Variants in DCDC2C observed in about 807,000 individuals in gnomAD.
The protein encoded by DCDC2C is doublecortin domain-containing protein 2C.
In DCDC2C, 44 loss-of-function variants were observed where a neutral mutation model predicts 45.0. The observed-to-expected ratio is 0.98, with a 90% CI of 0.77 to 1.26. The LOEUF (loss-of-function observed/expected upper bound fraction) is 1.26. DCDC2C is among the 50% of genes most tolerant of loss of function. The pLI is 0.00. For missense variants in DCDC2C, 447 were observed against 468.9 expected (o/e 0.95, Z 0.43); for synonymous variants, 187 against 178.8 (o/e 1.05, Z -0.37).
intron 7 of DCDC2C, 57 bp downstream of exon 7, chr2:3,767,937 A>G: frequency 3.0e-6 from 4 of 1,343,932 alleles, no homozygotes; most frequent in South Asian, 1.9e-5. Context: ...GGCTGAGAAC[A>G]TGGGATTTTT....
chr2:3,815,000 C>G (rs781732935), intron 10 of DCDC2C, among the ~76,000 whole-genome samples: 1 of 152,260 alleles, frequency 6.6e-6, no homozygotes, highest in African/African-American at 2.4e-5. Context: ...GGCTGCTGCC[C>G]CTACCCGAAG....
intron 4 of DCDC2C, among the ~76,000 whole-genome samples, chr2:3,742,973 G>C (rs1289581303): frequency 1.3e-5 from 2 of 152,210 alleles, no homozygotes; most frequent in African/African-American, 2.4e-5. Flanking sequence ...TGAGGGAGGG[G>C]CTCCGGGCCT....
intron 3 of DCDC2C, among the ~76,000 whole-genome samples, chr2:3,735,120 C>T (rs1668986865): frequency 6.6e-6 from 1 of 152,158 alleles, no homozygotes. Context: ...AGCCCAGATA[C>T]CAGACACACA....
At chr2:3,829,253 C>T (rs534979078) in intron 10 of DCDC2C, among the ~76,000 whole-genome samples, 1 of 149,998 alleles carries the variant, frequency 6.7e-6, no homozygotes, top group African/African-American at 2.4e-5. Context: ...GCTGGATTCT[C>T]ATTCCGTAAG....
At chr2:3,822,750 T>C (rs1025101508) in intron 10 of DCDC2C, among the ~76,000 whole-genome samples, 8 of 152,124 alleles carry the variant, frequency 5.3e-5, no homozygotes, top group African/African-American at 1.4e-4. Context: ...CTTTTTAATA[T>C]GGCATTTAAA....
intron 10 of DCDC2C, among the ~76,000 whole-genome samples, chr2:3,845,060 A>G (rs1672295895): frequency 6.6e-6 from 1 of 152,228 alleles, no homozygotes; most frequent in Non-Finnish European, 1.5e-5. Context: ...AATGGACAGT[A>G]GAATCCTATG....
At chr2:3,725,470 T>C (rs866085988) in intron 2 of DCDC2C, among the ~76,000 whole-genome samples, 1 of 93,808 alleles carries the variant, frequency 1.1e-5, no homozygotes, top group African/African-American at 4.2e-5. Context: ...GGCTGCCCGG[T>C]GGATCCCAGA....
chr2:3,740,278 A>G (rs1572575540), intron 3 of DCDC2C, among the ~76,000 whole-genome samples: 1 of 152,222 alleles, frequency 6.6e-6, no homozygotes, highest in East Asian at 1.9e-4. Flanking sequence ...TATGAGAAAT[A>G]TCTTCACCTC....
At chr2:3,764,432 T>C (rs1669963842) in intron 6 of DCDC2C, among the ~76,000 whole-genome samples, 1 of 152,242 alleles carries the variant, frequency 6.6e-6, no homozygotes, top group African/African-American at 2.4e-5. Flanking sequence ...AGCTCTATTC[T>C]GGAGGTTGAC....
At chr2:3,763,287 A>G (rs965240225) in intron 6 of DCDC2C, among the ~76,000 whole-genome samples, 11 of 152,192 alleles carry the variant, frequency 7.2e-5, no homozygotes, top group Non-Finnish European at 1.3e-4. Flanking sequence ...CACCATCTCC[A>G]TTCTATCGCA....
intron 10 of DCDC2C, among the ~76,000 whole-genome samples, chr2:3,793,057 C>T (rs933082265): frequency 1.3e-5 from 2 of 152,078 alleles, no homozygotes; most frequent in African/African-American, 2.4e-5. Context: ...ATTTGTTTCT[C>T]GTTTGTTCAT....
At chr2:3,809,656 G>A (rs1233209777) in intron 10 of DCDC2C, among the ~76,000 whole-genome samples, 4 of 152,096 alleles carry the variant, frequency 2.6e-5, no homozygotes, top group African/African-American at 9.7e-5. Context: ...GGATACATGT[G>A]CAGAACATGC....
Position 3,841,293 on chromosome 2 carries a change from C to T in DCDC2C, c.1066-5861C>T, listed in dbSNP as rs938107381. ...AAAACCAACAGAGCACACAGACGCA[C>T]GGCAAGGAACGTCTCGTAGATGATT... On this transcript the variant is annotated intron_variant, in intron 10 of 10. Coordinates refer to ENST00000399143, the MANE Select transcript of DCDC2C (RefSeq NM_001287444.2). Among the ~76,000 whole-genome samples, 12 of 146,082 alleles carry T rather than the reference C, an allele frequency of 8.2e-5. No individual in the cohort carries two copies. The South Asian group carries it at 8.9e-4, about 11-fold the overall frequency.
chr2:3,827,706 C>T (rs1345262689), intron 10 of DCDC2C, among the ~76,000 whole-genome samples: 5 of 152,012 alleles, frequency 3.3e-5, no homozygotes, highest in Admixed American at 3.3e-4. Flanking sequence ...TGATAAATGC[C>T]AACTAGATTA....
intron 2 of DCDC2C, among the ~76,000 whole-genome samples, chr2:3,719,466 C>T (rs115565562): frequency 9.5e-4 from 144 of 152,298 alleles, no homozygotes; most frequent in African/African-American, 3.4e-3. Context: ...TCTGCTTCCT[C>T]ATTCCGAGCT....
chr2:3,773,046 G>T (rs1297123945), intron 8 of DCDC2C, among the ~76,000 whole-genome samples: 1 of 152,224 alleles, frequency 6.6e-6, no homozygotes, highest in East Asian at 1.9e-4. Context: ...ATCAAAGTGG[G>T]AAGCTTCAGA....
chr2:3,719,598 C>T (rs139476511), intron 2 of DCDC2C, among the ~76,000 whole-genome samples: 1 of 152,328 alleles, frequency 6.6e-6, no homozygotes, highest in Non-Finnish European at 1.5e-5. Flanking sequence ...CAGGCATCCC[C>T]CTGCCTCTGG....
Position 3,708,890 on chromosome 2 carries a change from G to T in DCDC2C, c.339+290G>T, listed in dbSNP as rs538565697. Among the ~76,000 whole-genome samples, 247 of 152,290 alleles carry T rather than the reference G, an allele frequency of 1.6e-3. 1 individual carries two copies. The highest frequency in any genetic ancestry group is 5.4e-3 in the African/African-American group (223 of 41,562). ...TGTTCATTTTCCTTTTGTTTTGGGG[G>T]GGTTTGGAAAGACAGGTCTCAGGAA... is the stretch of plus-strand genomic sequence containing the variant. On this transcript the variant is annotated intron_variant, in intron 2 of 10. Coordinates refer to ENST00000399143, the MANE Select transcript of DCDC2C (RefSeq NM_001287444.2).
intron 10 of DCDC2C, among the ~76,000 whole-genome samples, chr2:3,845,956 G>A (rs1558253011): frequency 6.6e-6 from 1 of 152,128 alleles, no homozygotes; most frequent in Non-Finnish European, 1.5e-5. Flanking sequence ...TGTTAGAGCT[G>A]GAAGCAAATT....
Sources: gnomAD v4.1 joint callset for allele counts (sites outside exome capture counted in the v4.1 genomes callset) on GRCh38, gnomAD v4.1.1 for gene constraint, MANE v1.5 for transcripts, NCBI Gene and HGNC (gene_info 2026-07-23, HGNC 2026-07-21) for gene names.